IQCM: variants seen among roughly 807,000 people sequenced by gnomAD.
IQCM encodes IQ domain-containing protein M.
IQCM carries 45 observed loss-of-function variants against 57.6 expected under a neutral mutation model. The observed-to-expected ratio is 0.78, with a 90% CI of 0.62 to 1.00. IQCM has a LOEUF of 1.00. Among genes scored for constraint, IQCM ranks in the 50% least tolerant of loss-of-function variants. IQCM has a pLI of 0.00. For missense variants in IQCM, 468 were observed against 511.6 expected (o/e 0.91, Z 0.82); for synonymous variants, 148 against 158.9 (o/e 0.93, Z 0.51).
chr4:149,527,584 C>T (rs999842950), intron 12 of IQCM, among the ~76,000 whole-genome samples: 1 of 152,168 alleles, frequency 6.6e-6, no homozygotes, highest in African/African-American at 2.4e-5. Context: ...GTTTAAGCCA[C>T]CCACGCTATA....
At chr4:149,478,152 T>A (rs190965486) in intron 12 of IQCM, among the ~76,000 whole-genome samples, 16 of 151,956 alleles carry the variant, frequency 1.1e-4, no homozygotes, top group Admixed American at 1.1e-3. Flanking sequence ...TAAGATAGAG[T>A]GAAAAGCACA....
intron 13 of IQCM, among the ~76,000 whole-genome samples, chr4:149,360,565 G>A (rs887575116): frequency 6.6e-6 from 1 of 152,062 alleles, no homozygotes; most frequent in African/African-American, 2.4e-5. Flanking sequence ...GGACCCAGGG[G>A]GAGGTAACTG....
In IQCM at chr4:149,541,520, A is replaced by G. The variant is rs530989821; in HGVS notation, c.1228+6935T>C. 4.6e-4 allele frequency among the ~76,000 whole-genome samples: 70 copies of G among 152,242 alleles called. No homozygotes were observed. The South Asian group carries it at 0.015, about 32-fold the overall frequency. ...AAAGACTAGACAGAAGTATAAGTAG[A>G]TAATATACACCCACAATTTATTATT... On this transcript the variant is annotated intron_variant, in intron 12 of 13. Transcript: ENST00000636793.
chr4:149,487,692 T>A (rs953403543), intron 12 of IQCM, among the ~76,000 whole-genome samples: 3 of 152,116 alleles, frequency 2.0e-5, no homozygotes, highest in Non-Finnish European at 4.4e-5. Context: ...ACTGCATGGC[T>A]TTATTCTCCA....
intron 12 of IQCM, among the ~76,000 whole-genome samples, chr4:149,454,119 A>T (rs1266156488): frequency 6.7e-6 from 1 of 150,012 alleles, no homozygotes; most frequent in Non-Finnish European, 1.5e-5. Flanking sequence ...CTAAATTCCG[A>T]TAAAGGTAGA....
chr4:149,717,631 A>G (rs915289530), intron 5 of IQCM, among the ~76,000 whole-genome samples: 1 of 152,240 alleles, frequency 6.6e-6, no homozygotes, highest in South Asian at 2.1e-4. Flanking sequence ...TTTACTAATT[A>G]GCATTTAATA....
At chr4:149,396,012 G>A (rs186039078) in intron 13 of IQCM, among the ~76,000 whole-genome samples, 2 of 151,918 alleles carry the variant, frequency 1.3e-5, no homozygotes, top group Admixed American at 6.6e-5. Flanking sequence ...AGCAAAAAAT[G>A]ACAAGATTTT....
intron 13 of IQCM, among the ~76,000 whole-genome samples, chr4:149,384,255 A>G (rs1731266640): frequency 6.6e-6 from 1 of 150,624 alleles, no homozygotes; most frequent in Admixed American, 6.6e-5. Context: ...AAGAATTATG[A>G]ATAGGCCACC....
At chr4:149,705,874 T>C (rs1764117229) in intron 5 of IQCM, among the ~76,000 whole-genome samples, 3 of 151,784 alleles carry the variant, frequency 2.0e-5, no homozygotes, top group Admixed American at 6.6e-5. Flanking sequence ...TTAGTTATTC[T>C]CCTATATTAG....
chr4:149,495,295 G>T (rs1742539933), intron 12 of IQCM, among the ~76,000 whole-genome samples: 1 of 152,048 alleles, frequency 6.6e-6, no homozygotes, highest in Non-Finnish European at 1.5e-5. Context: ...CATTGGAAAA[G>T]AATAGCTACC....
At chr4:149,668,316 C>T (rs1041617122) in intron 7 of IQCM, among the ~76,000 whole-genome samples, 1 of 152,140 alleles carries the variant, frequency 6.6e-6, no homozygotes, top group African/African-American at 2.4e-5. Context: ...AATTTCATAT[C>T]CAGCCAAACC....
chr4:149,782,638 A>G (rs1218025983), intron 2 of IQCM, among the ~76,000 whole-genome samples: 2 of 151,634 alleles, frequency 1.3e-5, no homozygotes, highest in African/African-American at 4.8e-5. Flanking sequence ...GTGTGGGGGG[A>G]AATACAATAA....
intron 12 of IQCM, among the ~76,000 whole-genome samples, chr4:149,525,723 A>G (rs1053065821): frequency 2.0e-5 from 3 of 151,928 alleles, no homozygotes; most frequent in Non-Finnish European, 4.4e-5. Flanking sequence ...TTTTAACCAA[A>G]AAAAGGTAAA....
At chr4:149,458,194 G>A (rs1737905632) in intron 12 of IQCM, among the ~76,000 whole-genome samples, 1 of 152,120 alleles carries the variant, frequency 6.6e-6, no homozygotes, top group South Asian at 2.1e-4. Context: ...CTAAGATACT[G>A]TGCTAATCAT....
chr4:149,806,416 A>C lies in IQCM; in HGVS notation c.-49+8895T>G, dbSNP rs565388625. Among the ~76,000 whole-genome samples the C allele has an allele frequency of 2.2e-4, 33 of 152,124 alleles. 1 individual carries two copies. The highest frequency in any genetic ancestry group is 7.0e-4 in the African/African-American group (29 of 41,574). On this transcript the variant is annotated intron_variant, in intron 2 of 13. Coordinates refer to ENST00000636793, the MANE Select transcript of IQCM (RefSeq NM_001363507.2). ...TTTCTCTACTGTATTATCAAATACC[A>C]GAACTTATTTCTCCTATGTAACTGT...
At chr4:149,404,709 T>C (rs1417533737) in intron 13 of IQCM, among the ~76,000 whole-genome samples, 1 of 152,068 alleles carries the variant, frequency 6.6e-6, no homozygotes, top group Non-Finnish European at 1.5e-5. Context: ...GGACAGCGTT[T>C]GGAGTCTATA....
intron 7 of IQCM, among the ~76,000 whole-genome samples, chr4:149,665,123 C>A (rs1760594403): frequency 6.6e-6 from 1 of 152,280 alleles, no homozygotes; most frequent in South Asian, 2.1e-4. Flanking sequence ...TCAGTGGCTA[C>A]TGGCCCCTGG....
chr4:149,427,357 T>A (rs1734533477), intron 13 of IQCM, among the ~76,000 whole-genome samples: 1 of 152,032 alleles, frequency 6.6e-6, no homozygotes, highest in Non-Finnish European at 1.5e-5. Context: ...CTCACAAAGT[T>A]AAGCAGTATT....
At chr4:149,434,619 C>A (rs1348165224) in intron 12 of IQCM, among the ~76,000 whole-genome samples, 1 of 152,036 alleles carries the variant, frequency 6.6e-6, no homozygotes, top group Admixed American at 6.6e-5. Context: ...GATTTGATGG[C>A]AAGCAGTGTA....
Sources: allele counts gnomAD v4.1 joint callset (sites outside exome capture counted in the v4.1 genomes callset), GRCh38; gene constraint gnomAD v4.1.1; transcripts MANE v1.5; gene names NCBI Gene and HGNC (gene_info 2026-07-23, HGNC 2026-07-21).